Variants in OR1A1 observed in about 807,000 individuals in gnomAD.
OR1A1 encodes the protein olfactory receptor 1A1.
For synonymous variants in OR1A1, 145 were observed against 147.8 expected, an observed-to-expected ratio of 0.98 and a Z score of 0.13; for missense variants, 391 against 379.9, an observed-to-expected ratio of 1.03 and a Z score of -0.24.
chr17:3,209,012 C>T lies in OR1A1; in HGVS notation c.-139+14C>T, dbSNP rs1232074063. The T allele has an allele frequency of 1.4e-5, 2 of 148,146 alleles. No homozygotes were observed. The highest frequency in any genetic ancestry group is 4.9e-5 in the African/African-American group (2 of 41,110). The allele number at this position is 148,146 out of a possible 1,614,324, so 9.2% of individuals were successfully genotyped here. A position where few individuals can be genotyped will look rare whatever the true frequency, so the allele number is the denominator to read the frequency against. ...ATGGAACATTAGGTATTTGCTCCAA[C>T]TGTTTCTTTTTAATTTTTTTAAATT... On this transcript the variant is annotated intron_variant, in intron 2 of 3. Coordinates refer to ENST00000641732, the MANE Select transcript of OR1A1 (RefSeq NM_014565.3).
At chr17:3,208,287 T>C (rs1269568878) in intron 1 of OR1A1, among the ~76,000 whole-genome samples, 1 of 152,162 alleles carries the variant, frequency 6.6e-6, no homozygotes, top group East Asian at 1.9e-4. Flanking sequence ...AAGATAATTC[T>C]GATTTGCTTT....
chr17:3,211,091 T>C (rs1034833746), intron 2 of OR1A1, among the ~76,000 whole-genome samples: 6 of 152,188 alleles, frequency 3.9e-5, no homozygotes, highest in Non-Finnish European at 7.3e-5. Flanking sequence ...CTGGGCTAAA[T>C]AGTTCATCGT....
chr17:3,209,667 G>A (rs544463678), intron 2 of OR1A1, among the ~76,000 whole-genome samples: 6 of 152,146 alleles, frequency 3.9e-5, no homozygotes, highest in African/African-American at 1.2e-4. Flanking sequence ...CCACTTGAGC[G>A]GCAGATTCAG....
Position 3,217,099 on chromosome 17 carries a change from G to C in OR1A1, c.*549G>C, listed in dbSNP as rs189252249. ...TGAATAAGATATTAATATCTGAAAC[G>C]TAATATTATAATTAGGGATAATCAA... On this transcript the variant is annotated 3_prime_UTR_variant, in exon 4 of 4. Coordinates refer to ENST00000641732, the MANE Select transcript of OR1A1 (RefSeq NM_014565.3). 1 of 152,108 alleles carries C rather than the reference G, an allele frequency of 6.6e-6. No homozygotes were observed. Among genetic ancestry groups the C allele is most frequent in the Non-Finnish European group, 1.5e-5 (1 of 68,058 alleles). 9.4% of individuals were successfully genotyped at this position (152,108 alleles called of 1,614,324 possible).
chr17:3,217,455 A>G lies in OR1A1; in HGVS notation c.*905A>G, dbSNP rs1567526506. 1 of 152,246 alleles carries G rather than the reference A, an allele frequency of 6.6e-6. No homozygotes were observed. Among genetic ancestry groups the G allele is most frequent in the Non-Finnish European group, 1.5e-5 (1 of 68,050 alleles). 9.4% of individuals were successfully genotyped at this position (152,246 alleles called of 1,614,324 possible). On this transcript the variant is annotated 3_prime_UTR_variant, in exon 4 of 4. Transcript: ENST00000641732. ...TAAATTTCGTATGGAACTAAAAAAGAGCCCGTATATCCAAGACAATCATAA... is the reference window on the plus strand; with the variant it reads ...TAAATTTCGTATGGAACTAAAAAAGGGCCCGTATATCCAAGACAATCATAA...
rs192659264 is a variant in OR1A1, at chr17:3,216,705, A to G, written c.*155A>G. 318 of 601,140 alleles carry G rather than the reference A, an allele frequency of 5.3e-4. No homozygotes were observed. The highest frequency in any genetic ancestry group is 5.3e-3 in the African/African-American group (287 of 54,322). 37.2% of individuals were successfully genotyped at this position (601,140 alleles called of 1,614,324 possible). ...CTTATAACATTTTAATAAGTTAATA[A>G]TAAGTGATTATTGAAATTACCACTT... On this transcript the variant is annotated 3_prime_UTR_variant, in exon 4 of 4. Coordinates refer to ENST00000641732, the MANE Select transcript of OR1A1 (RefSeq NM_014565.3).
chr17:3,209,591 A>G (rs2048431098), intron 2 of OR1A1, among the ~76,000 whole-genome samples: 1 of 152,168 alleles, frequency 6.6e-6, no homozygotes, highest in Non-Finnish European at 1.5e-5. Flanking sequence ...AAATAAACAC[A>G]TCATGGAGAT....
intron 3 of OR1A1, chr17:3,214,259 G>A (rs2048455882): frequency 6.6e-6 from 1 of 152,204 alleles, no homozygotes; most frequent in South Asian, 2.1e-4. Context: ...AGCACTTTGG[G>A]AGGCCGACAC....
Position 3,208,170 on chromosome 17 carries a change from G to T in OR1A1, c.-557+170G>T, listed in dbSNP as rs540921422. On this transcript the variant is annotated intron_variant, in intron 1 of 3. Coordinates refer to ENST00000641732, the MANE Select transcript of OR1A1 (RefSeq NM_014565.3). ...AGAGAGAGATAGAGATAGAGATAGA[G>T]ATATATATATAGAGAGAGAGAGAGG... Among the ~76,000 whole-genome samples, 455 of 150,896 alleles carry T rather than the reference G, an allele frequency of 3.0e-3. 1 individual carries two copies. Among genetic ancestry groups the T allele is most frequent in the Non-Finnish European group, 5.4e-3 (366 of 67,682 alleles).
chr17:3,209,751 C>CA (rs1180092005), intron 2 of OR1A1, among the ~76,000 whole-genome samples: 1 of 152,150 alleles, frequency 6.6e-6, no homozygotes, highest in Non-Finnish European at 1.5e-5. Flanking sequence ...GCCTGGGCAA[C>CA]AGAGTGAGAC....
chr17:3,210,795 G>A (rs2048437852), intron 2 of OR1A1, among the ~76,000 whole-genome samples: 2 of 152,134 alleles, frequency 1.3e-5, no homozygotes, highest in South Asian at 4.1e-4. Flanking sequence ...TAGTAGAGAT[G>A]GGGTTTCACC....
chr17:3,211,547 G>A (rs980062286), intron 2 of OR1A1, among the ~76,000 whole-genome samples: 1 of 152,116 alleles, frequency 6.6e-6, no homozygotes, highest in Non-Finnish European at 1.5e-5. Flanking sequence ...TGTTGGCCAG[G>A]CTGGTCTCAA....
chr17:3,214,547 A>G (rs912078156), intron 3 of OR1A1: 1 of 151,978 alleles, frequency 6.6e-6, no homozygotes, highest in Admixed American at 6.6e-5. Flanking sequence ...AAAAAAAAAA[A>G]AAAGAAAATA....
At position 3,215,947 on chromosome 17, in the gene OR1A1, C is replaced by G; in HGVS notation, c.327C>G (p.Asn109Lys). Residue 109 changes from asparagine (N) to lysine (K), a missense_variant, in exon 4 of 4, where the codon AAC (asparagine) becomes AAG (lysine). By Grantham distance (94) the Asn-to-Lys change is moderately conservative. Transcript: ENST00000641732. ...TQMYFMIALG[N>K]TDSYILAAMA... ...TGTATTTCATGATAGCCTTGGGTAA[C>G]ACAGACAGCTATATTTTGGCTGCAA... The G allele has an allele frequency of 6.2e-7, 1 of 1,614,154 alleles. No individual in the cohort carries two copies. Among genetic ancestry groups the G allele is most frequent in the African/African-American group, 1.3e-5 (1 of 75,034 alleles).
chr17:3,217,918 T>C lies in OR1A1; in HGVS notation c.*1368T>C, dbSNP rs1461922166. 1.3e-5 allele frequency: 2 copies of C among 152,040 alleles called. No homozygotes were observed. Among genetic ancestry groups the C allele is most frequent in the East Asian group, 3.9e-4 (2 of 5,186 alleles). The allele number at this position is 152,040 out of a possible 1,614,324, so 9.4% of individuals were successfully genotyped here. A position where few individuals can be genotyped will look rare whatever the true frequency, so the allele number is the denominator to read the frequency against. On this transcript the variant is annotated 3_prime_UTR_variant, in exon 4 of 4. Transcript: ENST00000641732. ...AAGCAATGGCAACAAAAGCCAAAAT[T>C]GACAAATGGGATCTAATTAAACTAA...
chr17:3,216,444 TG>T lies in OR1A1; in HGVS notation c.825del (p.Met275IlefsTer5), dbSNP rs1316874840. On this transcript the variant is annotated frameshift_variant, in exon 4 of 4. Transcript: ENST00000641732. LOFTEE classifies it high-confidence loss of function. ...YSLKDAVITV[M>X]YTAVTPMLNP... ...CTAAAAGACGCAGTGATCACTGTAA[TG>T]TACACGGCAGTGACCCCAATGTTAA... The T allele has an allele frequency of 1.2e-6, 2 of 1,614,046 alleles. No homozygotes were observed. The highest frequency in any genetic ancestry group is 2.7e-5 in the African/African-American group (2 of 74,942).
chr17:3,215,948 A>G lies in OR1A1; in HGVS notation c.328A>G (p.Thr110Ala). The change falls in exon 4 of 4, where the codon ACA becomes GCA. Residue 110 changes from threonine to alanine, a missense_variant. Thr to Ala is a moderately conservative substitution (Grantham distance 58). Coordinates refer to ENST00000641732, the MANE Select transcript of OR1A1 (RefSeq NM_014565.3). ...GTATTTCATGATAGCCTTGGGTAACACAGACAGCTATATTTTGGCTGCAAT... is the reference window on the plus strand; with the variant it reads ...GTATTTCATGATAGCCTTGGGTAACGCAGACAGCTATATTTTGGCTGCAAT... ...QMYFMIALGN[T>A]DSYILAAMAY... 6.2e-7 allele frequency: 1 copy of G among 1,614,194 alleles called. No individual in the cohort carries two copies. The highest frequency in any genetic ancestry group is 1.3e-5 in the African/African-American group (1 of 75,044).
At chr17:3,213,338 C>T (rs2048452227) in intron 3 of OR1A1, 1 of 152,126 alleles carries the variant, frequency 6.6e-6, no homozygotes, top group African/African-American at 2.4e-5. Flanking sequence ...TCACTATCTG[C>T]CTAAATAATT....
At chr17:3,209,775 A>T (rs1282057471) in intron 2 of OR1A1, among the ~76,000 whole-genome samples, 1 of 152,190 alleles carries the variant, frequency 6.6e-6, no homozygotes, top group Non-Finnish European at 1.5e-5. Flanking sequence ...GTTTCTAAAT[A>T]AATCGATATT....
Sources: allele counts gnomAD v4.1 joint callset (sites outside exome capture counted in the v4.1 genomes callset), GRCh38; gene constraint gnomAD v4.1.1; transcripts MANE v1.5; gene names NCBI Gene and HGNC (gene_info 2026-07-23, HGNC 2026-07-21).